The following FBXO38 variants were observed in gnomAD, a reference collection of about 807,000 sequenced individuals.
FBXO38 encodes the protein F-box only protein 38.
FBXO38 carries 53 observed loss-of-function variants against 131.9 expected under a neutral mutation model. That is an observed-to-expected ratio of 0.40 (90% CI 0.32 to 0.51). The LOEUF (loss-of-function observed/expected upper bound fraction) is 0.51, where lower values mean the gene tolerates loss of function less well. Ranked by LOEUF, FBXO38 falls within the 20% of genes least tolerant of loss-of-function variation. FBXO38 has a pLI of 0.53. For synonymous variants in FBXO38, 452 were observed against 505.6 expected, an observed-to-expected ratio of 0.89 and a Z score of 1.42; for missense variants, 1,076 against 1,475.6, an observed-to-expected ratio of 0.73 and a Z score of 4.44.
intron 12 of FBXO38, among the ~76,000 whole-genome samples, chr5:148,417,793 G>C (rs1444292868): frequency 6.6e-6 from 1 of 152,164 alleles, no homozygotes; most frequent in Admixed American, 6.5e-5. Flanking sequence ...CCATCCTTCT[G>C]TTGATGAGTG....
intron 15 of FBXO38, 37 bp downstream of exon 15, chr5:148,427,984 A>G (rs1319208075): frequency 1.4e-6 from 2 of 1,456,114 alleles, no homozygotes; most frequent in Non-Finnish European, 1.8e-6. Context: ...ACTGCAGGGT[A>G]GGGCTGCAGA....
chr5:148,399,189 G>T, intron 3 of FBXO38, 57 bp downstream of exon 3: 2 of 1,579,046 alleles, frequency 1.3e-6, no homozygotes, highest in South Asian at 1.1e-5. Flanking sequence ...TAGTAACAAT[G>T]GTTTCATAAA....
In FBXO38 at chr5:148,406,324, C is replaced by T. The variant is rs2113547993; in HGVS notation, c.798C>T (p.His266=). Residue 266 remains histidine, a synonymous_variant, in exon 7 of 22, where the codon CAC becomes CAT. Coordinates refer to ENST00000340253, the MANE Select transcript of FBXO38 (RefSeq NM_205836.3). ...TGLASARNLE[H]LEMVRVPFLG... ...TAGCCTCTGCCCGAAACTTGGAACA[C>T]TTAGAAATGGTTCGAGTTCCTTTCC... 4 of 1,610,220 alleles carry T rather than the reference C, an allele frequency of 2.5e-6. No homozygotes were observed. Among genetic ancestry groups the T allele is most frequent in the Non-Finnish European group, 3.4e-6 (4 of 1,178,040 alleles).
rs1754661840 is a variant in FBXO38 at position 148,441,148 on chromosome 5, C to T, written c.3299C>T (p.Ser1100Phe). The T allele has an allele frequency of 6.2e-7, 1 of 1,613,854 alleles. No individual in the cohort carries two copies. The highest frequency in any genetic ancestry group is 1.3e-5 in the African/African-American group (1 of 74,910). ...GGTGTTGTGGATGGAGCTCCATATT[C>T]CATGATTTCTGACTTCCCTTGGCTG... ...LEGVVDGAPY[S>F]MISDFPWLRS... is the part of the protein sequence containing the mutation. Residue 1100 changes from serine to phenylalanine, a missense_variant, in exon 21 of 22, where the codon TCC becomes TTC. Ser to Phe is a radical substitution (Grantham distance 155). This residue lies in a region of FBXO38 where 282 missense variants were observed against 418.8 expected (regional missense o/e 0.67). Transcript: ENST00000340253.
chr5:148,412,955 G>T (rs1335178021), intron 9 of FBXO38, among the ~76,000 whole-genome samples: 3 of 152,000 alleles, frequency 2.0e-5, no homozygotes, highest in Non-Finnish European at 4.4e-5. Flanking sequence ...GTAGAAACAT[G>T]GTGTTCATCT....
At chr5:148,394,379 C>T (rs889854735) in intron 1 of FBXO38, among the ~76,000 whole-genome samples, 8 of 152,064 alleles carry the variant, frequency 5.3e-5, no homozygotes, top group African/African-American at 1.9e-4. Flanking sequence ...AATGATCACA[C>T]GTTACATATG....
intron 1 of FBXO38, among the ~76,000 whole-genome samples, chr5:148,390,272 C>T (rs541126986): frequency 2.0e-5 from 3 of 152,018 alleles, no homozygotes; most frequent in Admixed American, 1.3e-4. Flanking sequence ...ATTTTTTGAC[C>T]GAGGAAGCTT....
chr5:148,438,095 A>G (rs576987710), intron 17 of FBXO38, among the ~76,000 whole-genome samples: 1 of 152,306 alleles, frequency 6.6e-6, no homozygotes, highest in Admixed American at 6.5e-5. Context: ...ATTTTCTGAG[A>G]CTTGGTTTTC....
chr5:148,412,715 A>G (rs553131028), intron 9 of FBXO38, among the ~76,000 whole-genome samples: 1 of 152,174 alleles, frequency 6.6e-6, no homozygotes, highest in Non-Finnish European at 1.5e-5. Flanking sequence ...GTTAATTCTC[A>G]TTTTTTAAAT....
At chr5:148,420,769 G>T (rs1228991433) in intron 12 of FBXO38, among the ~76,000 whole-genome samples, 1 of 152,216 alleles carries the variant, frequency 6.6e-6, no homozygotes, top group East Asian at 1.9e-4. Context: ...GCACATTGCT[G>T]ATTTTTGCCC....
At chr5:148,392,677 C>T (rs1031496764) in intron 1 of FBXO38, among the ~76,000 whole-genome samples, 7 of 149,976 alleles carry the variant, frequency 4.7e-5, no homozygotes, top group African/African-American at 1.2e-4. Flanking sequence ...GAAGAGGGCT[C>T]GAGGATAAAT....
intron 15 of FBXO38, among the ~76,000 whole-genome samples, chr5:148,432,857 G>A (rs545866871): frequency 1.3e-5 from 2 of 152,280 alleles, no homozygotes; most frequent in South Asian, 4.1e-4. Context: ...GAGGATCCAG[G>A]GTGCTTTGTT....
At chr5:148,412,481 C>A (rs1268052139) in intron 9 of FBXO38, among the ~76,000 whole-genome samples, 2 of 152,116 alleles carry the variant, frequency 1.3e-5, no homozygotes, top group Non-Finnish European at 2.9e-5. Flanking sequence ...AGAAACATCA[C>A]CTTTGTCTTC....
chr5:148,417,243 T>G (rs942004663), intron 12 of FBXO38, 39 bp downstream of exon 12: 27 of 1,347,094 alleles, frequency 2.0e-5, no homozygotes, highest in Middle Eastern at 3.6e-4. Context: ...TAGAAATGAT[T>G]TTCACTTTGT....
At chr5:148,428,013 A>G (rs1314663210) in intron 15 of FBXO38, 66 bp downstream of exon 15, 2 of 1,404,048 alleles carry the variant, frequency 1.4e-6, no homozygotes, top group African/African-American at 1.4e-5. Context: ...AACTTGTTTC[A>G]TGAGTTTTCT....
chr5:148,425,428 C>CA (rs1388683185), intron 13 of FBXO38, 94 bp from the exon 14 acceptor site: 2 of 948,048 alleles, frequency 2.1e-6, no homozygotes, highest in Non-Finnish European at 3.3e-6. Flanking sequence ...AGCCACAAAG[C>CA]ATCTCTGTTG....
At chr5:148,439,835 T>A in intron 19 of FBXO38, 43 bp downstream of exon 19, 1 of 1,596,214 alleles carries the variant, frequency 6.3e-7, no homozygotes, top group Non-Finnish European at 8.6e-7. Context: ...GAGTCATTTC[T>A]CATAGCAGGG....
At chr5:148,404,663 CT>C (rs1561521554) in intron 5 of FBXO38, 21 bp from the exon 6 acceptor site, 1 of 1,505,534 alleles carries the variant, frequency 6.6e-7, no homozygotes, top group Admixed American at 2.4e-5. Context: ...CTTGTTTGTT[CT>C]TTTTTATATT....
At chr5:148,427,070 G>T in intron 14 of FBXO38, 143 bp from the exon 15 acceptor site, 1 of 955,862 alleles carries the variant, frequency 1.0e-6, no homozygotes, top group Non-Finnish European at 1.5e-6. Context: ...TAGCAGCTCA[G>T]TGATGTGATC....
Sources: gnomAD v4.1 joint callset for allele counts (sites outside exome capture counted in the v4.1 genomes callset) on GRCh38, gnomAD v4.1.1 for gene constraint, gnomAD v4.1.1 regional missense constraint, MANE v1.5 for transcripts, NCBI Gene and HGNC (gene_info 2026-07-23, HGNC 2026-07-21) for gene names.